Variants in NAALADL2 observed in about 807,000 individuals in gnomAD.
NAALADL2 encodes N-acetylated alpha-linked acidic dipeptidase like 2, also known as inactive N-acetylated-alpha-linked acidic dipeptidase-like protein 2.
A neutral mutation model predicts 87.2 loss-of-function variants in NAALADL2; 76 were observed. The observed-to-expected ratio is 0.87, with a 90% confidence interval of 0.72 to 1.05. NAALADL2 has a LOEUF of 1.05. NAALADL2 is among the 50% of genes least tolerant of loss of function. The pLI, the probability that NAALADL2 is intolerant of heterozygous loss-of-function variation, is 0.00. For missense variants in NAALADL2, 1,089 were observed against 945.8 expected (o/e 1.15, Z -1.99); for synonymous variants, 354 against 331.0 (o/e 1.07, Z -0.75).
At chr3:175,756,088 ATAAAACCACGTCAT>A (rs1747234340) in intron 13 of NAALADL2, among the ~76,000 whole-genome samples, 1 of 152,168 alleles carries the variant, frequency 6.6e-6, no homozygotes, top group African/African-American at 2.4e-5. Context: ...ATCAATCATC[ATAAAACCACGTCAT>A]TAAAACCACA....
chr3:174,973,529 A>G (rs1743976109), intron 1 of NAALADL2, among the ~76,000 whole-genome samples: 1 of 152,162 alleles, frequency 6.6e-6, no homozygotes, highest in Non-Finnish European at 1.5e-5. Flanking sequence ...AGTTTATTTC[A>G]TTGTATTTAT....
At chr3:174,519,560 A>G (rs1405761454) in intron 1 of NAALADL2, among the ~76,000 whole-genome samples, 1 of 151,650 alleles carries the variant, frequency 6.6e-6, no homozygotes, top group Non-Finnish European at 1.5e-5. Flanking sequence ...CGAACTCCCG[A>G]CCTCAGGTGA....
intron 3 of NAALADL2, among the ~76,000 whole-genome samples, chr3:174,812,409 T>C (rs946570426): frequency 2.6e-5 from 4 of 152,198 alleles, no homozygotes; most frequent in African/African-American, 9.7e-5. Flanking sequence ...CTTACTGCAT[T>C]GTTAGTCATA....
At chr3:175,094,830 C>A (rs2108353810) in intron 1 of NAALADL2, among the ~76,000 whole-genome samples, 1 of 150,060 alleles carries the variant, frequency 6.7e-6, no homozygotes, top group Non-Finnish European at 1.5e-5. Context: ...CAATGTCTTG[C>A]ATAATTATAT....
intron 12 of NAALADL2, among the ~76,000 whole-genome samples, chr3:175,739,923 T>C (rs1041213352): frequency 3.3e-5 from 5 of 152,156 alleles, no homozygotes; most frequent in Admixed American, 2.6e-4. Flanking sequence ...ATAAATGTCA[T>C]AGCAGAACAT....
At chr3:175,687,608 A>G (rs2149902956) in intron 11 of NAALADL2, among the ~76,000 whole-genome samples, 1 of 152,238 alleles carries the variant, frequency 6.6e-6, no homozygotes. Flanking sequence ...TCCATGCACT[A>G]TGCTGCCTTG....
intron 2 of NAALADL2, among the ~76,000 whole-genome samples, chr3:175,210,898 G>C (rs747128100): frequency 4.9e-4 from 75 of 151,694 alleles, no homozygotes; most frequent in Non-Finnish European, 8.9e-4. Flanking sequence ...TATAGAGGCT[G>C]AGCAGGATTT....
chr3:175,405,799 G>A (rs1337750333), intron 5 of NAALADL2, among the ~76,000 whole-genome samples: 1 of 152,064 alleles, frequency 6.6e-6, no homozygotes, highest in Non-Finnish European at 1.5e-5. Context: ...AATCCTATGA[G>A]GTTAAGTACT....
chr3:175,737,224 A>C, intron 11 of NAALADL2, 82 bp from the exon 12 acceptor site: 1 of 823,860 alleles, frequency 1.2e-6, no homozygotes, highest in South Asian at 1.4e-5. Context: ...ATGTATAAAA[A>C]TATCTGAAAT....
At chr3:174,778,531 G>A (rs917224660) in intron 3 of NAALADL2, among the ~76,000 whole-genome samples, 2 of 151,904 alleles carry the variant, frequency 1.3e-5, no homozygotes, top group Admixed American at 6.6e-5. Context: ...TGTGCAGAAC[G>A]TGCAGGTTTG....
chr3:174,738,491 A>G (rs1179111356), intron 3 of NAALADL2, among the ~76,000 whole-genome samples: 1 of 152,188 alleles, frequency 6.6e-6, no homozygotes. Flanking sequence ...CAAGTAATGC[A>G]GATTTAGGAA....
intron 11 of NAALADL2, among the ~76,000 whole-genome samples, chr3:175,679,257 C>A (rs1735265377): frequency 6.7e-6 from 1 of 148,792 alleles, no homozygotes; most frequent in Non-Finnish European, 1.5e-5. Flanking sequence ...CAACATGTAC[C>A]CTAGAACTTA....
At chr3:174,497,129 A>G (rs1718596162) in intron 1 of NAALADL2, among the ~76,000 whole-genome samples, 1 of 152,186 alleles carries the variant, frequency 6.6e-6, no homozygotes, top group Admixed American at 6.6e-5. Context: ...CGTAGATGAT[A>G]TGCAAATAGG....
intron 2 of NAALADL2, among the ~76,000 whole-genome samples, chr3:174,580,341 A>T (rs1293598395): frequency 6.6e-6 from 1 of 152,112 alleles, no homozygotes; most frequent in African/African-American, 2.4e-5. Context: ...AAAGTGAGAA[A>T]CAAACGTATG....
chr3:175,792,024 A>G (rs1752848998), intron 13 of NAALADL2, among the ~76,000 whole-genome samples: 1 of 150,264 alleles, frequency 6.7e-6, no homozygotes, highest in Non-Finnish European at 1.5e-5. Flanking sequence ...TTGCATTTAA[A>G]AAAAAATAAA....
intron 2 of NAALADL2, among the ~76,000 whole-genome samples, chr3:174,649,407 T>C (rs1229564686): frequency 6.6e-6 from 1 of 152,212 alleles, no homozygotes; most frequent in African/African-American, 2.4e-5. Flanking sequence ...AATACATATA[T>C]ATACGTTTAT....
intron 1 of NAALADL2, among the ~76,000 whole-genome samples, chr3:174,970,348 A>C (rs1382079786): frequency 1.3e-5 from 2 of 152,222 alleles, no homozygotes; most frequent in African/African-American, 4.8e-5. Flanking sequence ...AGTATGTAAC[A>C]TTACTGAGTA....
chr3:174,832,528 C>A (rs374354847), intron 3 of NAALADL2, among the ~76,000 whole-genome samples: 2 of 152,096 alleles, frequency 1.3e-5, no homozygotes, highest in East Asian at 3.9e-4. Context: ...GTGGCTCGAT[C>A]TCAGCTCACT....
At chr3:175,588,520 T>A (rs942150594) in intron 10 of NAALADL2, among the ~76,000 whole-genome samples, 5 of 148,560 alleles carry the variant, frequency 3.4e-5, no homozygotes, top group Non-Finnish European at 5.9e-5. Context: ...TAGGAGACTT[T>A]CTTTCTTTCT....
Sources: gnomAD v4.1 joint callset for allele counts (sites outside exome capture counted in the v4.1 genomes callset) on GRCh38, gnomAD v4.1.1 for gene constraint, MANE v1.5 for transcripts, NCBI Gene and HGNC (gene_info 2026-07-23, HGNC 2026-07-21) for gene names.